Variants in COL24A1 observed in about 807,000 individuals in gnomAD.
COL24A1 encodes collagen alpha-1(XXIV) chain.
A neutral mutation model predicts 253.9 loss-of-function variants in COL24A1; 224 were observed. The ratio of observed to expected loss-of-function variants is 0.88; its 90% confidence interval spans 0.79 to 0.99. The LOEUF (loss-of-function observed/expected upper bound fraction) is 0.99, where lower values mean the gene tolerates loss of function less well. Ranked by LOEUF, COL24A1 falls within the 50% of genes least tolerant of loss-of-function variation. The pLI, the probability that COL24A1 is intolerant of heterozygous loss-of-function variation, is 0.00. For synonymous variants in COL24A1, 685 were observed against 673.7 expected, an observed-to-expected ratio of 1.02 and a Z score of -0.26; for missense variants, 2,131 against 2,068.5, an observed-to-expected ratio of 1.03 and a Z score of -0.59.
chr1:85,877,274 CAT>C lies in COL24A1; in HGVS notation c.2977-101_2977-100del. The stretch of plus-strand genomic sequence containing the variant: ...GGGTTTTATAATATAACACATAACA[CAT>C]GATTATGTAAATACATAATACATTT... On this transcript the variant is annotated intron_variant, in intron 32 of 59. Transcript: ENST00000370571. The C allele has an allele frequency of 4.0e-6, 3 of 746,126 alleles. No homozygotes were observed. The South Asian group carries it at 6.6e-5, about 17-fold the overall frequency. The allele number at this position is 746,126 out of a possible 1,614,324, so 46.2% of individuals were successfully genotyped here. A position where few individuals can be genotyped will look rare whatever the true frequency, so the allele number is the denominator to read the frequency against.
chr1:85,734,946 T>A lies in COL24A1; in HGVS notation c.4801A>T (p.Lys1601Ter). The change falls in exon 59 of 60, where the codon AAA (lysine) becomes TAA (stop). Residue 1601 changes from lysine to a stop codon, truncating the protein, a stop_gained. Transcript: ENST00000370571. LOFTEE classifies it high-confidence loss of function. Reference sequence around the variant, plus strand: ...AAATGAAGGAAGTTCATCTGGACTTTCCCAACTCCAAACTCCAACTAATGT... The same window carrying A: ...AAATGAAGGAAGTTCATCTGGACTTACCCAACTCCAAACTCCAACTAATGT... ...SVTKLEFGVG[K>*]VQMNFLHLLS... 1 of 1,614,160 alleles carries A rather than the reference T, an allele frequency of 6.2e-7. No homozygotes were observed. Among genetic ancestry groups the A allele is most frequent in the Non-Finnish European group, 8.5e-7 (1 of 1,180,022 alleles).
At chr1:86,131,567 T>C (rs1649206093) in intron 2 of COL24A1, among the ~76,000 whole-genome samples, 1 of 143,564 alleles carries the variant, frequency 7.0e-6, no homozygotes, top group Non-Finnish European at 1.5e-5. Flanking sequence ...TGTGTTCATG[T>C]GTTCTCATTG....
intron 24 of COL24A1, among the ~76,000 whole-genome samples, chr1:85,913,505 G>C (rs1172317603): frequency 2.0e-5 from 3 of 152,110 alleles, no homozygotes; most frequent in African/African-American, 7.2e-5. Context: ...CTGGACTAAA[G>C]GTCTTAGTTC....
chr1:85,759,903 G>T (rs1226317853), intron 55 of COL24A1, among the ~76,000 whole-genome samples: 1 of 152,108 alleles, frequency 6.6e-6, no homozygotes, highest in African/African-American at 2.4e-5. Flanking sequence ...ACTTGAACTT[G>T]TTCTTTCTTG....
intron 24 of COL24A1, among the ~76,000 whole-genome samples, chr1:85,926,193 G>A (rs1687191140): frequency 6.6e-6 from 1 of 152,226 alleles, no homozygotes; most frequent in South Asian, 2.1e-4. Flanking sequence ...TGGAGAGGAT[G>A]TGGAAAAATA....
intron 31 of COL24A1, among the ~76,000 whole-genome samples, chr1:85,891,062 T>G (rs1274200198): frequency 6.6e-6 from 1 of 151,568 alleles, no homozygotes; most frequent in South Asian, 2.1e-4. Context: ...TTTTCTTTTT[T>G]TTTTTTGAGA....
At chr1:86,041,400 G>T (rs556122271) in intron 12 of COL24A1, among the ~76,000 whole-genome samples, 1 of 152,198 alleles carries the variant, frequency 6.6e-6, no homozygotes, top group Admixed American at 6.5e-5. Context: ...TGGCAAGTCA[G>T]TTCTAGCATA....
At chr1:85,830,084 T>C (rs1474189509) in intron 43 of COL24A1, among the ~76,000 whole-genome samples, 1 of 152,086 alleles carries the variant, frequency 6.6e-6, no homozygotes, top group African/African-American at 2.4e-5. Flanking sequence ...ATGATGGTGA[T>C]GTACAGATGG....
At chr1:85,794,412 G>A (rs1430353776) in intron 47 of COL24A1, among the ~76,000 whole-genome samples, 5 of 152,092 alleles carry the variant, frequency 3.3e-5, no homozygotes, top group Admixed American at 2.6e-4. Flanking sequence ...GAATAATAAG[G>A]AGCACAAAAC....
At chr1:86,065,662 T>C (rs1429058707) in intron 7 of COL24A1, among the ~76,000 whole-genome samples, 1 of 149,944 alleles carries the variant, frequency 6.7e-6, no homozygotes, top group Non-Finnish European at 1.5e-5. Flanking sequence ...GCCAGGCAAA[T>C]GGCATTCCTG....
At chr1:86,076,463 G>T (rs1253457895) in intron 7 of COL24A1, among the ~76,000 whole-genome samples, 3 of 152,074 alleles carry the variant, frequency 2.0e-5, no homozygotes, top group Admixed American at 2.0e-4. Context: ...TGGCCATACT[G>T]TCCCAAGTAA....
At chr1:85,978,007 C>T (rs1030649621) in intron 20 of COL24A1, among the ~76,000 whole-genome samples, 5 of 152,126 alleles carry the variant, frequency 3.3e-5, no homozygotes, top group African/African-American at 1.2e-4. Context: ...TAAAGGAAAA[C>T]ATATCAGATT....
chr1:85,932,529 C>T (rs1286957528), intron 24 of COL24A1, among the ~76,000 whole-genome samples: 2 of 119,740 alleles, frequency 1.7e-5, no homozygotes, highest in Admixed American at 9.1e-5. Flanking sequence ...GTCAGTGTGG[C>T]GATTCCTCAG....
chr1:85,785,357 A>C (rs1015968301), intron 48 of COL24A1, among the ~76,000 whole-genome samples: 3 of 152,180 alleles, frequency 2.0e-5, no homozygotes, highest in Non-Finnish European at 4.4e-5. Flanking sequence ...TCTAAAAGTA[A>C]ATTTAGGAAT....
intron 7 of COL24A1, among the ~76,000 whole-genome samples, chr1:86,079,415 C>T (rs1019510594): frequency 6.6e-6 from 1 of 152,056 alleles, no homozygotes. Flanking sequence ...TCAGTAATAC[C>T]TCACAAGCAC....
At chr1:85,787,055 T>C (rs1669756609) in intron 47 of COL24A1, among the ~76,000 whole-genome samples, 1 of 152,196 alleles carries the variant, frequency 6.6e-6, no homozygotes, top group African/African-American at 2.4e-5. Flanking sequence ...AAAAGAATAA[T>C]ACTTAAAGAC....
chr1:85,967,393 A>G (rs1164267897), intron 22 of COL24A1, among the ~76,000 whole-genome samples: 1 of 152,164 alleles, frequency 6.6e-6, no homozygotes, highest in Non-Finnish European at 1.5e-5. Context: ...CAGGATGAGG[A>G]ATTTGGGATC....
chr1:86,144,848 A>T (rs1458106174), intron 2 of COL24A1, among the ~76,000 whole-genome samples: 1 of 152,118 alleles, frequency 6.6e-6, no homozygotes, highest in Non-Finnish European at 1.5e-5. Context: ...TGTACATTCT[A>T]ATAGCACAGT....
chr1:85,913,340 A>G (rs554131327), intron 24 of COL24A1, among the ~76,000 whole-genome samples: 3 of 152,286 alleles, frequency 2.0e-5, no homozygotes, highest in African/African-American at 7.2e-5. Context: ...CCAGAAGGCT[A>G]TATATGCTCT....
Sources: allele counts gnomAD v4.1 joint callset (sites outside exome capture counted in the v4.1 genomes callset), GRCh38; gene constraint gnomAD v4.1.1; transcripts MANE v1.5; gene names NCBI Gene and HGNC (gene_info 2026-07-23, HGNC 2026-07-21).